Variants in SNX29 observed in about 807,000 individuals in gnomAD.
SNX29 encodes sorting nexin-29.
In SNX29, 78 loss-of-function variants were observed where a neutral mutation model predicts 102.1. The observed-to-expected ratio is 0.76, with a 90% CI of 0.64 to 0.92. The LOEUF (loss-of-function observed/expected upper bound fraction) is 0.92, where lower values mean the gene tolerates loss of function less well. Ranked by LOEUF, SNX29 falls within the 40% of genes least tolerant of loss-of-function variation. SNX29 has a pLI of 0.00. For missense variants in SNX29, 1,280 were observed against 1,061.7 expected, an observed-to-expected ratio of 1.21 and a Z score of -2.86; for synonymous variants, 580 against 414.5, an observed-to-expected ratio of 1.40 and a Z score of -4.85.
intron 15 of SNX29, among the ~76,000 whole-genome samples, chr16:12,287,386 T>A (rs558426877): frequency 6.6e-5 from 10 of 150,908 alleles, no homozygotes; most frequent in East Asian, 1.9e-4. Flanking sequence ...TTTTTTTAAA[T>A]TTTTTTTTTA....
intron 18 of SNX29, among the ~76,000 whole-genome samples, chr16:12,420,669 A>T (rs999666566): frequency 6.6e-6 from 1 of 152,230 alleles, no homozygotes; most frequent in Admixed American, 6.5e-5. Flanking sequence ...CAGAGTTGAT[A>T]TAAGGATTAA....
At chr16:12,463,930 C>T (rs1234527508) in intron 18 of SNX29, among the ~76,000 whole-genome samples, 1 of 151,250 alleles carries the variant, frequency 6.6e-6, no homozygotes, top group Non-Finnish European at 1.5e-5. Flanking sequence ...CCAGAGTCCC[C>T]ATGCTGTCAT....
rs539908476 is a variant in SNX29, at chr16:12,404,255, C to G, written c.2037+726C>G. ...TCCTTGGGGTACGGATAGCCGCACC[C>G]AGGTGGGCATTGAGTGTCTGGGGCA... On this transcript the variant is annotated intron_variant, in intron 18 of 20. Transcript: ENST00000566228. Among the ~76,000 whole-genome samples, 7 of 152,302 alleles carry G rather than the reference C, an allele frequency of 4.6e-5. No individual in the cohort carries two copies. The South Asian group carries it at 1.5e-3, about 32-fold the overall frequency.
chr16:12,068,853 T>C (rs1275710702), intron 9 of SNX29, among the ~76,000 whole-genome samples: 2 of 152,210 alleles, frequency 1.3e-5, no homozygotes, highest in African/African-American at 2.4e-5. Flanking sequence ...GGCTTTCTGC[T>C]TCTACAGTGA....
chr16:12,306,427 C>T (rs939987613), intron 15 of SNX29, among the ~76,000 whole-genome samples: 8 of 151,856 alleles, frequency 5.3e-5, no homozygotes, highest in South Asian at 4.2e-4. Context: ...CAGTATAAAA[C>T]GAGGTCTGTT....
At chr16:12,019,581 A>AATATAT (rs199652904) in intron 3 of SNX29, among the ~76,000 whole-genome samples, 2 of 147,672 alleles carry the variant, frequency 1.4e-5, no homozygotes, top group African/African-American at 5.1e-5. Context: ...TATATATGTA[A>AATATAT]ATATATATAT....
rs772780993 is a variant in SNX29, at chr16:12,168,747, G to A, written c.1596-30854G>A. 6.6e-4 allele frequency among the ~76,000 whole-genome samples: 100 copies of A among 152,232 alleles called. 1 individual carries two copies. The highest frequency in any genetic ancestry group is 2.4e-3 in the Admixed American group (37 of 15,278). ...AATCTTCTTAACAATAACGTATTGAGTTATTATTAGATCGTTACATAAATT... is the reference window on the plus strand; with the variant it reads ...AATCTTCTTAACAATAACGTATTGAATTATTATTAGATCGTTACATAAATT... On this transcript the variant is annotated intron_variant, in intron 13 of 20. Coordinates refer to ENST00000566228, the MANE Select transcript of SNX29 (RefSeq NM_032167.5).
intron 19 of SNX29, among the ~76,000 whole-genome samples, chr16:12,501,724 C>CAAAAAA (rs59431064): frequency 3.3e-4 from 15 of 44,924 alleles, no homozygotes; most frequent in South Asian, 1.2e-3. Flanking sequence ...GACACTGTCT[C>CAAAAAA]AAAAAAAAAA....
At chr16:12,549,530 C>CATATAGCCAGT (rs57031725) in intron 20 of SNX29, among the ~76,000 whole-genome samples, 87,202 of 151,772 alleles carry the variant, frequency 0.57, 28,230 homozygotes, top group East Asian at 0.98. Flanking sequence ...TCCTCTATCT[C>CATATAGCCAGT]AAATAGCCAG....
Position 12,572,526 on chromosome 16 carries a change from C to A in SNX29, c.*3897C>A, listed in dbSNP as rs1206491308. The A allele has an allele frequency of 1.9e-6, 2 of 1,064,008 alleles. No homozygotes were observed. Among genetic ancestry groups the A allele is most frequent in the Non-Finnish European group, 2.3e-6 (2 of 878,522 alleles). 65.9% of individuals were successfully genotyped at this position (1,064,008 alleles called of 1,614,324 possible). On this transcript the variant is annotated 3_prime_UTR_variant, in exon 21 of 21. Coordinates refer to ENST00000566228, the MANE Select transcript of SNX29 (RefSeq NM_032167.5). ...CCTTCCTGCTCCACGTGCTCAAGCC[C>A]CCACAGGGGGCTGCGACACCATCTG...
At chr16:12,533,793 C>T (rs2076995463) in intron 20 of SNX29, among the ~76,000 whole-genome samples, 1 of 152,112 alleles carries the variant, frequency 6.6e-6, no homozygotes, top group African/African-American at 2.4e-5. Flanking sequence ...GAGTGCAGCT[C>T]ATAGGCCCCA....
chr16:12,146,703 G>A (rs2055079949), intron 13 of SNX29, among the ~76,000 whole-genome samples: 1 of 152,170 alleles, frequency 6.6e-6, no homozygotes, highest in Non-Finnish European at 1.5e-5. Context: ...GAAGGTGAAG[G>A]TATCCTTGGC....
rs2076570555 is a variant in SNX29 at position 12,188,621 on chromosome 16, C to T, written c.1596-10980C>T. ...TTTCTCTGGCTCTGGATATGCAATA[C>T]AGGGGCCAGTGTGCCATTCTGAGTG... On this transcript the variant is annotated intron_variant, in intron 13 of 20. Transcript: ENST00000566228. 2.0e-5 allele frequency among the ~76,000 whole-genome samples: 3 copies of T among 152,154 alleles called. No individual in the cohort carries two copies. In the South Asian group the frequency reaches 6.2e-4, roughly 32 times the overall value.
intron 18 of SNX29, among the ~76,000 whole-genome samples, chr16:12,477,089 A>G (rs2087689563): frequency 6.6e-6 from 1 of 152,186 alleles, no homozygotes; most frequent in African/African-American, 2.4e-5. Flanking sequence ...AACAGCCCTT[A>G]CATTCTGTAT....
At position 12,568,558 on chromosome 16, in the gene SNX29, C is replaced by G. The variant is rs201318041; in HGVS notation, c.2371C>G (p.Arg791Gly). ...PVNSRPKAAS[R>G]FPKLSRGQPR... ...GAACAGCCGGCCCAAAGCAGCTTCC[C>G]GCTTCCCCAAACTGTCCCGGGGTCA... The change falls in exon 21 of 21, where the codon CGC becomes GGC. Residue 791 changes from arginine to glycine, a missense_variant. Coordinates refer to ENST00000566228, the MANE Select transcript of SNX29 (RefSeq NM_032167.5). 1.4e-5 allele frequency: 22 copies of G among 1,609,260 alleles called. No homozygotes were observed. Among genetic ancestry groups the G allele is most frequent in the South Asian group, 5.5e-5 (5 of 91,074 alleles).
At chr16:12,467,084 C>T (rs749505253) in intron 18 of SNX29, among the ~76,000 whole-genome samples, 3 of 152,182 alleles carry the variant, frequency 2.0e-5, no homozygotes, top group Non-Finnish European at 2.9e-5. Flanking sequence ...GCCATGAAGT[C>T]GGGCAGACCT....
chr16:12,048,717 A>G lies in SNX29; in HGVS notation c.748+97A>G, dbSNP rs1426231674. The G allele has an allele frequency of 2.5e-6, 4 of 1,597,606 alleles. No individual in the cohort carries two copies. In the African/African-American group the frequency reaches 5.4e-5, roughly 21 times the overall value. On this transcript the variant is annotated intron_variant, in intron 7 of 20. Transcript: ENST00000566228. ...TCATCTGAAAGTCATTCCAAGGGGAATGGAGTCCAGTGCACTTGCGTTTTC... is the reference window on the plus strand; with the variant it reads ...TCATCTGAAAGTCATTCCAAGGGGAGTGGAGTCCAGTGCACTTGCGTTTTC...
At chr16:12,116,312 C>A (rs2053699530) in intron 11 of SNX29, among the ~76,000 whole-genome samples, 2 of 152,188 alleles carry the variant, frequency 1.3e-5, no homozygotes, top group East Asian at 3.9e-4. Context: ...GTATAAATGT[C>A]CATTATCTGA....
At position 12,222,670 on chromosome 16, in the gene SNX29, G is replaced by T. The variant is rs533567044; in HGVS notation, c.1678+22987G>T. On this transcript the variant is annotated intron_variant, in intron 14 of 20. Transcript: ENST00000566228. Reference sequence around the variant, plus strand: ...TGCAACTTCTGTCTCCTGGGTTCCAGCAATTCTTCTGCCTCAGCCTCTTGG... The same window carrying T: ...TGCAACTTCTGTCTCCTGGGTTCCATCAATTCTTCTGCCTCAGCCTCTTGG... Among the ~76,000 whole-genome samples, 398 of 152,308 alleles carry T rather than the reference G, an allele frequency of 2.6e-3. 2 individuals are homozygous for T. Among genetic ancestry groups the T allele is most frequent in the Non-Finnish European group, 4.3e-3 (295 of 68,030 alleles).
Sources: gnomAD v4.1 joint callset for allele counts (sites outside exome capture counted in the v4.1 genomes callset) on GRCh38, gnomAD v4.1.1 for gene constraint, MANE v1.5 for transcripts, NCBI Gene and HGNC (gene_info 2026-07-23, HGNC 2026-07-21) for gene names.